SOX5: variants seen among roughly 807,000 people sequenced by gnomAD.
The protein encoded by SOX5 is SRY-box transcription factor 5, also known as transcription factor SOX-5.
In SOX5, 9 loss-of-function variants were observed where a neutral mutation model predicts 92.0. That is an observed-to-expected ratio of 0.10 (90% confidence interval 0.06 to 0.17). The LOEUF (loss-of-function observed/expected upper bound fraction) is 0.17. SOX5 is among the 10% of genes least tolerant of loss of function. The probability of loss-of-function intolerance (pLI) is 1.00; values close to 1 mark genes in which losing one functional copy is unlikely to be tolerated. For synonymous variants in SOX5, 344 were observed against 336.3 expected (o/e 1.02, Z -0.25); for missense variants, 642 against 944.5 (o/e 0.68, Z 4.20).
Position 23,919,594 on chromosome 12 carries a change from A to T in SOX5, c.39-23570T>A, listed in dbSNP as rs114563858. Reference sequence around the variant, plus strand: ...ACCTGCCTACCTATCAAATCTTTACAACCACCATGCCAGTGAGTACTATTC... The same window carrying T: ...ACCTGCCTACCTATCAAATCTTTACTACCACCATGCCAGTGAGTACTATTC... On this transcript the variant is annotated intron_variant, in intron 1 of 14. Transcript: ENST00000451604. Among the ~76,000 whole-genome samples the T allele has an allele frequency of 3.5e-3, 536 of 152,278 alleles. 6 individuals carry two copies. The highest frequency in any genetic ancestry group is 0.012 in the African/African-American group (509 of 41,550).
chr12:24,023,721 A>G (rs930642912), intron 4 of SOX5, among the ~76,000 whole-genome samples: 1 of 152,092 alleles, frequency 6.6e-6, no homozygotes, highest in African/African-American at 2.4e-5. Flanking sequence ...ATTAAATGTC[A>G]TATGCTCAGC....
At chr12:23,967,665 T>C (rs566645683) in intron 4 of SOX5, among the ~76,000 whole-genome samples, 1 of 152,262 alleles carries the variant, frequency 6.6e-6, no homozygotes, top group South Asian at 2.1e-4. Context: ...TGTGAGATGA[T>C]AGTTAGTGTA....
At chr12:24,225,509 C>T (rs2728848) in intron 3 of SOX5, among the ~76,000 whole-genome samples, 77,213 of 150,750 alleles carry the variant, frequency 0.51, 20,009 homozygotes, top group East Asian at 0.73. Flanking sequence ...CTTAGAGTTA[C>T]ATTTCATTTT....
chr12:23,849,662 G>A (rs933640249), intron 2 of SOX5, among the ~76,000 whole-genome samples: 2 of 152,088 alleles, frequency 1.3e-5, no homozygotes, highest in Non-Finnish European at 2.9e-5. Flanking sequence ...ACTGAAATAC[G>A]TTCAAGTCCT....
At chr12:23,780,579 A>G (rs1221205607) in intron 3 of SOX5, among the ~76,000 whole-genome samples, 3 of 152,084 alleles carry the variant, frequency 2.0e-5, no homozygotes, top group African/African-American at 7.2e-5. Context: ...TGAATGAGGG[A>G]GAATTTATTT....
intron 4 of SOX5, among the ~76,000 whole-genome samples, chr12:24,212,786 T>C (rs1050855221): frequency 6.6e-6 from 1 of 152,166 alleles, no homozygotes; most frequent in Non-Finnish European, 1.5e-5. Context: ...TACATAGAAA[T>C]TGATTTAATT....
chr12:23,703,306 A>G (rs2090925329), intron 6 of SOX5, among the ~76,000 whole-genome samples: 1 of 152,060 alleles, frequency 6.6e-6, no homozygotes, highest in South Asian at 2.1e-4. Flanking sequence ...GGAAGATAAC[A>G]TTGTAAAGTA....
At chr12:23,620,203 TGAC>T (rs1381339708) in intron 8 of SOX5, among the ~76,000 whole-genome samples, 1 of 152,060 alleles carries the variant, frequency 6.6e-6, no homozygotes, top group Non-Finnish European at 1.5e-5. Flanking sequence ...GGAGGAAACA[TGAC>T]AAGTTTGTAG....
intron 4 of SOX5, among the ~76,000 whole-genome samples, chr12:24,201,789 C>T (rs1051143980): frequency 6.6e-6 from 1 of 152,196 alleles, no homozygotes; most frequent in Non-Finnish European, 1.5e-5. Flanking sequence ...CCCTTGGAGA[C>T]TGACTGGATG....
chr12:23,557,931 G>A lies in SOX5; in HGVS notation c.1488+5327C>T, dbSNP rs573306817. 2.0e-4 allele frequency among the ~76,000 whole-genome samples: 29 copies of A among 148,480 alleles called. No individual in the cohort carries two copies. The South Asian group carries it at 3.2e-3, about 16-fold the overall frequency. On this transcript the variant is annotated intron_variant, in intron 11 of 14. Coordinates refer to ENST00000451604, the MANE Select transcript of SOX5 (RefSeq NM_006940.6). ...GCGGAGCTTGCAGTGAGCCAGGATC[G>A]CGCCATTGCACTCCAGCCTGGGTGA...
At chr12:24,287,589 A>G (rs1946040330) in intron 2 of SOX5, among the ~76,000 whole-genome samples, 1 of 116,034 alleles carries the variant, frequency 8.6e-6, no homozygotes, top group Admixed American at 9.5e-5. Flanking sequence ...TGATTCTCAA[A>G]TCCTTTTTTT....
intron 4 of SOX5, among the ~76,000 whole-genome samples, chr12:24,025,591 C>A (rs564876034): frequency 6.6e-6 from 1 of 152,144 alleles, no homozygotes; most frequent in South Asian, 2.1e-4. Context: ...GCTGCAAAGA[C>A]TCTCTACCCC....
chr12:24,252,780 A>T (rs1482869583), intron 3 of SOX5, among the ~76,000 whole-genome samples: 1 of 152,068 alleles, frequency 6.6e-6, no homozygotes, highest in East Asian at 1.9e-4. Flanking sequence ...GCTCCACACG[A>T]TCTAATCATA....
intron 4 of SOX5, among the ~76,000 whole-genome samples, chr12:24,059,243 G>C (rs1939189577): frequency 6.6e-6 from 1 of 152,136 alleles, no homozygotes; most frequent in African/African-American, 2.4e-5. Flanking sequence ...GCACTCCTGT[G>C]TTTTTGATAG....
intron 3 of SOX5, among the ~76,000 whole-genome samples, chr12:24,247,430 G>T (rs1012186451): frequency 1.3e-5 from 2 of 152,018 alleles, no homozygotes; most frequent in South Asian, 2.1e-4. Flanking sequence ...CACAGGGTAG[G>T]TTTGGTTAGA....
chr12:23,907,213 G>A (rs886124656), intron 1 of SOX5, among the ~76,000 whole-genome samples: 4 of 152,124 alleles, frequency 2.6e-5, no homozygotes, highest in African/African-American at 9.7e-5. Flanking sequence ...CGTGCAGAGA[G>A]AGAGAGACAA....
intron 3 of SOX5, among the ~76,000 whole-genome samples, chr12:24,241,979 G>A (rs147093574): frequency 6.6e-6 from 1 of 152,264 alleles, no homozygotes; most frequent in Non-Finnish European, 1.5e-5. Flanking sequence ...AATACCAGAA[G>A]CATCTGTTTT....
chr12:23,911,783 G>A lies in SOX5; in HGVS notation c.39-15759C>T, dbSNP rs1208199345. Among the ~76,000 whole-genome samples the A allele has an allele frequency of 2.0e-5, 3 of 151,836 alleles. No homozygotes were observed. The East Asian group carries it at 5.8e-4, about 29-fold the overall frequency. On this transcript the variant is annotated intron_variant, in intron 1 of 14. Coordinates refer to ENST00000451604, the MANE Select transcript of SOX5 (RefSeq NM_006940.6). ...AGGTGCTTTCCATGTATTATTTCTG[G>A]TCACCAAAACAACACACTATTGGAC...
intron 11 of SOX5, among the ~76,000 whole-genome samples, chr12:23,555,230 T>C (rs1310978340): frequency 6.6e-6 from 1 of 152,160 alleles, no homozygotes; most frequent in Non-Finnish European, 1.5e-5. Context: ...CATGGTGTTT[T>C]CAAACTTATC....
Sources: gnomAD v4.1 joint callset for allele counts (sites outside exome capture counted in the v4.1 genomes callset) on GRCh38, gnomAD v4.1.1 for gene constraint, MANE v1.5 for transcripts, NCBI Gene and HGNC (gene_info 2026-07-23, HGNC 2026-07-21) for gene names.